TMEM178A: variants seen among roughly 807,000 people sequenced by gnomAD.
TMEM178A encodes transmembrane protein 178.
Under a neutral mutation model 29.1 loss-of-function variants are expected in TMEM178A, and 12 were observed. The ratio of observed to expected loss-of-function variants is 0.41; its 90% confidence interval spans 0.26 to 0.67. The LOEUF is 0.67. Among genes scored for constraint, TMEM178A ranks in the 30% least tolerant of loss-of-function variants. The pLI is 0.29. For missense variants in TMEM178A, 366 were observed against 419.1 expected (o/e 0.87, Z 1.11); for synonymous variants, 210 against 187.2 (o/e 1.12, Z -0.99).
At chr2:39,720,344 T>C (rs1282536075), downstream of TMEM178A, among the ~76,000 whole-genome samples, 2 of 152,136 alleles carry the variant, frequency 1.3e-5, no homozygotes, top group African/African-American at 4.8e-5. Context: ...CTCAGGTGAA[T>C]GGGGGCCCAC....
chr2:39,672,354 C>A (rs1018534898), intron 1 of TMEM178A, among the ~76,000 whole-genome samples: 1 of 152,036 alleles, frequency 6.6e-6, no homozygotes. Context: ...TTAGCAATGG[C>A]CTTGAGGGGA....
Position 39,707,172 on chromosome 2 carries a change from T to C in TMEM178A, c.638T>C (p.Leu213Pro). Residue 213 changes from leucine (L) to proline (P), a missense_variant, in exon 3 of 4, where the codon CTG (leucine) becomes CCG (proline). This residue lies in a region of TMEM178A where 119 missense variants were observed against 172.2 expected (regional missense o/e 0.69). Coordinates refer to ENST00000281961, the MANE Select transcript of TMEM178A (RefSeq NM_152390.3). ...ESLTQHVAGL[L>P]FLMTGIFCTI... is the part of the protein sequence containing the mutation. ...TTGACCCAGCACGTGGCTGGACTCC[T>C]GTTCCTCATGACAGGTAGGCTGCAT... 2 of 1,612,886 alleles carry C rather than the reference T, an allele frequency of 1.2e-6. No individual in the cohort carries two copies. Among genetic ancestry groups the C allele is most frequent in the Non-Finnish European group, 1.7e-6 (2 of 1,179,510 alleles).
In TMEM178A at chr2:39,717,098, T is replaced by C; in HGVS notation, c.741T>C (p.Pro247=). 6.2e-7 allele frequency: 1 copy of C among 1,612,464 alleles called. No individual in the cohort carries two copies. The highest frequency in any genetic ancestry group is 1.1e-5 in the South Asian group (1 of 90,902). ...NRLPKLIYSL[P]ADVEHGYSWS... ...TCCCAAAGCTAATTTATAGCCTGCC[T>C]GCTGATGTGGAACATGGTTACAGCT... Residue 247 remains proline (P), a synonymous_variant, in exon 4 of 4, where the codon CCT becomes CCC. Transcript: ENST00000281961.
intron 1 of TMEM178A, among the ~76,000 whole-genome samples, chr2:39,672,377 T>C (rs1670441551): frequency 6.6e-6 from 1 of 151,992 alleles, no homozygotes; most frequent in African/African-American, 2.4e-5. Context: ...AAAGGAAGAG[T>C]TTGCTATGTC....
chr2:39,717,331 G>T lies in TMEM178A; in HGVS notation c.*80G>T. ...GAGTTCAGGAGTCCAAGCACAAAGC[G>T]GTCTTTTACATTCCAACCTGTTGCC... On this transcript the variant is annotated 3_prime_UTR_variant, in exon 4 of 4. Coordinates refer to ENST00000281961, the MANE Select transcript of TMEM178A (RefSeq NM_152390.3). The T allele has an allele frequency of 6.6e-7, 1 of 1,514,402 alleles. No individual in the cohort carries two copies. The highest frequency in any genetic ancestry group is 1.3e-5 in the South Asian group (1 of 74,392). The allele number at this position is 1,514,402 out of a possible 1,614,324, so 93.8% of individuals were successfully genotyped here.
In TMEM178A at chr2:39,666,265, C is replaced by G; in HGVS notation, c.291C>G (p.Gly97=). 7.2e-7 allele frequency: 1 copy of G among 1,385,550 alleles called. No individual in the cohort carries two copies. The highest frequency in any genetic ancestry group is 1.6e-5 in the South Asian group (1 of 61,848). The allele number at this position is 1,385,550 out of a possible 1,614,324, so 85.8% of individuals were successfully genotyped here. A position where few individuals can be genotyped will look rare whatever the true frequency, so the allele number is the denominator to read the frequency against. The change falls in exon 1 of 4, where the codon GGC becomes GGG. Residue 97 remains glycine (G), a synonymous_variant. Coordinates refer to ENST00000281961, the MANE Select transcript of TMEM178A (RefSeq NM_152390.3). ...PESWRSLLGL[G]GLDAECGRPL... ...CCTGGCGCTCGCTCCTGGGGCTCGG[C>G]GGGCTGGACGCCGAGTGCGGCCGGC...
At chr2:39,699,596 A>T (rs1046096980) in intron 1 of TMEM178A, among the ~76,000 whole-genome samples, 1 of 151,852 alleles carries the variant, frequency 6.6e-6, no homozygotes, top group Non-Finnish European at 1.5e-5. Context: ...AGCTAGGACT[A>T]CAGGTGCGTG....
the TMEM178A span, among the ~76,000 whole-genome samples, chr2:39,726,938 T>C: frequency 6.6e-6 from 1 of 152,340 alleles, no homozygotes; most frequent in African/African-American, 2.4e-5. Context: ...AAAATTACAC[T>C]TCAAATCTCC....
Position 39,699,297 on chromosome 2 carries a change from G to A in TMEM178A, c.401-4784G>A, listed in dbSNP as rs115306457. Among the ~76,000 whole-genome samples, 995 of 152,150 alleles carry A rather than the reference G, an allele frequency of 6.5e-3. 14 individuals carry two copies. The highest frequency in any genetic ancestry group is 0.022 in the African/African-American group (928 of 41,492). On this transcript the variant is annotated intron_variant, in intron 1 of 3. Coordinates refer to ENST00000281961, the MANE Select transcript of TMEM178A (RefSeq NM_152390.3). ...CTACTTCAGCCTCCCAAAGTGCTGG[G>A]ATTATGGGCATAACCAAATTTTAGT...
At chr2:39,721,644 T>C (rs761391590), downstream of TMEM178A, among the ~76,000 whole-genome samples, 3 of 152,010 alleles carry the variant, frequency 2.0e-5, no homozygotes, top group Non-Finnish European at 4.4e-5. Flanking sequence ...TTTACTCTGG[T>C]AATTGAAAAC....
intron 1 of TMEM178A, among the ~76,000 whole-genome samples, chr2:39,668,509 C>T (rs1670275056): frequency 6.6e-6 from 1 of 152,186 alleles, no homozygotes. Context: ...CCTTCTTCGC[C>T]TTCGGTTTCC....
At chr2:39,673,696 A>C (rs564960883) in intron 1 of TMEM178A, among the ~76,000 whole-genome samples, 1 of 152,344 alleles carries the variant, frequency 6.6e-6, no homozygotes, top group South Asian at 2.1e-4. Flanking sequence ...TGCCTTGCAA[A>C]TAAGTACTAA....
chr2:39,694,203 AATATT>A (rs1201761378), intron 1 of TMEM178A, among the ~76,000 whole-genome samples: 2 of 149,500 alleles, frequency 1.3e-5, no homozygotes, highest in Non-Finnish European at 2.9e-5. Context: ...GAACACTAAT[AATATT>A]ATATTATTAT....
At chr2:39,703,381 G>A (rs942457688) in intron 1 of TMEM178A, among the ~76,000 whole-genome samples, 10 of 152,178 alleles carry the variant, frequency 6.6e-5, no homozygotes, top group African/African-American at 2.4e-4. Context: ...TTGGTGTGAG[G>A]AGGTGGAGAG....
intron 1 of TMEM178A, among the ~76,000 whole-genome samples, chr2:39,666,686 C>T (rs1475603805): frequency 1.3e-5 from 2 of 152,312 alleles, no homozygotes; most frequent in African/African-American, 4.8e-5. Flanking sequence ...CTCTCTCTCC[C>T]CGTCCTTCTC....
intron 2 of TMEM178A, 80 bp from the exon 3 acceptor site, chr2:39,706,969 T>C (rs1252009748): frequency 6.7e-7 from 1 of 1,497,190 alleles, no homozygotes; most frequent in Non-Finnish European, 9.0e-7. Context: ...TTTCACAATG[T>C]ATACAAAGCC....
chr2:39,674,266 C>T (rs765719388), intron 1 of TMEM178A, among the ~76,000 whole-genome samples: 10 of 152,184 alleles, frequency 6.6e-5, no homozygotes, highest in Middle Eastern at 3.4e-3. Context: ...ATCATGGAAC[C>T]GACCCAAAGG....
At chr2:39,724,147 G>T in the TMEM178A span, among the ~76,000 whole-genome samples, 17 of 152,214 alleles carry the variant, frequency 1.1e-4, no homozygotes, top group East Asian at 3.3e-3. Context: ...TTCCCCCACA[G>T]AACATTATGA....
At chr2:39,710,237 T>A (rs1276882066) in intron 3 of TMEM178A, among the ~76,000 whole-genome samples, 1 of 152,188 alleles carries the variant, frequency 6.6e-6, no homozygotes, top group African/African-American at 2.4e-5. Flanking sequence ...ACAATAAACT[T>A]GAAGTTTGAT....
Sources: allele counts gnomAD v4.1 joint callset (sites outside exome capture counted in the v4.1 genomes callset), GRCh38; gene constraint gnomAD v4.1.1; regional missense constraint gnomAD v4.1.1; transcripts MANE v1.5; gene names NCBI Gene and HGNC (gene_info 2026-07-23, HGNC 2026-07-21).